The following DOCK2 variants were observed in gnomAD, a reference collection of about 807,000 sequenced individuals.
DOCK2 encodes dedicator of cytokinesis protein 2.
Under a neutral mutation model 248.9 loss-of-function variants are expected in DOCK2, and 87 were observed. The observed-to-expected ratio is 0.35, with a 90% CI of 0.29 to 0.42. The LOEUF (loss-of-function observed/expected upper bound fraction) is 0.42, where lower values mean the gene tolerates loss of function less well. Among genes scored for constraint, DOCK2 ranks in the 10% least tolerant of loss-of-function variants. The pLI is 1.00. For synonymous variants in DOCK2, 805 were observed against 821.6 expected (o/e 0.98, Z 0.35); for missense variants, 1,747 against 2,300.2 (o/e 0.76, Z 4.92).
At chr5:169,902,413 C>T (rs1773978453) in intron 27 of DOCK2, among the ~76,000 whole-genome samples, 2 of 152,208 alleles carry the variant, frequency 1.3e-5, no homozygotes, top group African/African-American at 4.8e-5. Flanking sequence ...CAAGCCACCA[C>T]AGTAGTGAAT....
At chr5:170,022,011 A>G (rs903291422) in intron 33 of DOCK2, among the ~76,000 whole-genome samples, 4 of 152,200 alleles carry the variant, frequency 2.6e-5, no homozygotes, top group Non-Finnish European at 1.5e-5. Flanking sequence ...CCTCTCTAAA[A>G]TGTGGGTTGC....
At chr5:169,914,941 C>T (rs971666851) in intron 27 of DOCK2, among the ~76,000 whole-genome samples, 7 of 152,350 alleles carry the variant, frequency 4.6e-5, no homozygotes, top group African/African-American at 1.2e-4. Flanking sequence ...CCACAGGCAG[C>T]GCCTGCCCAG....
chr5:170,043,294 A>G (rs1041175823), intron 38 of DOCK2, among the ~76,000 whole-genome samples: 1 of 152,120 alleles, frequency 6.6e-6, no homozygotes, highest in Non-Finnish European at 1.5e-5. Context: ...CCTTCTTTCT[A>G]GTTGTACCGT....
At chr5:169,995,873 G>T (rs1260526090) in intron 29 of DOCK2, among the ~76,000 whole-genome samples, 1 of 152,176 alleles carries the variant, frequency 6.6e-6, no homozygotes, top group African/African-American at 2.4e-5. Context: ...TTTTCAAAAA[G>T]AAGTCGAACA....
intron 32 of DOCK2, among the ~76,000 whole-genome samples, chr5:170,015,223 G>T (rs1755475172): frequency 6.6e-6 from 1 of 152,160 alleles, no homozygotes; most frequent in Non-Finnish European, 1.5e-5. Flanking sequence ...CGGACACTGT[G>T]CAGGGCCCTT....
At chr5:169,724,473 C>T (rs1762364863) in intron 22 of DOCK2, among the ~76,000 whole-genome samples, 1 of 152,102 alleles carries the variant, frequency 6.6e-6, no homozygotes, top group South Asian at 2.1e-4. Flanking sequence ...AGAAAAATTG[C>T]ACTCTGTGTC....
intron 23 of DOCK2, among the ~76,000 whole-genome samples, chr5:169,747,827 A>G (rs578254331): frequency 6.6e-6 from 1 of 152,234 alleles, no homozygotes; most frequent in Non-Finnish European, 1.5e-5. Context: ...AATTCTCGAC[A>G]ACATAAAGTC....
intron 27 of DOCK2, among the ~76,000 whole-genome samples, chr5:169,925,178 G>C (rs1189381204): frequency 6.6e-6 from 1 of 152,176 alleles, no homozygotes; most frequent in Non-Finnish European, 1.5e-5. Flanking sequence ...AGGGGACTCT[G>C]TAGTAGGGAG....
rs61670398 is a variant in DOCK2 at position 169,807,833 on chromosome 5, CAAAAAAAAA to C, written c.2703+4645_2703+4653del. Among the ~76,000 whole-genome samples, 19 of 24,218 alleles carry C rather than the reference CAAAAAAAAA, an allele frequency of 7.8e-4. 1 individual carries two copies. The highest frequency in any genetic ancestry group is 1.7e-3 in the Admixed American group (3 of 1,738). The allele number at this position is 24,218 out of a possible 152,430, so 15.9% of individuals were successfully genotyped here. A position where few individuals can be genotyped will look rare whatever the true frequency, so the allele number is the denominator to read the frequency against. ...TGGGAGACAGAGCAAGACTCTGTCT[CAAAAAAAAA>C]AAAAAAAAAAAAAAAAATCTAGCAT... On this transcript the variant is annotated intron_variant, in intron 26 of 51. Transcript: ENST00000520908.
At chr5:169,960,033 G>A (rs1416252772) in intron 27 of DOCK2, among the ~76,000 whole-genome samples, 10 of 152,180 alleles carry the variant, frequency 6.6e-5, no homozygotes, top group Non-Finnish European at 1.5e-4. Context: ...TCGGATCTCA[G>A]GCTATCAGTC....
At chr5:169,744,813 G>T (rs1486487839) in intron 22 of DOCK2, among the ~76,000 whole-genome samples, 1 of 152,174 alleles carries the variant, frequency 6.6e-6, no homozygotes, top group Non-Finnish European at 1.5e-5. Flanking sequence ...ATGGAGGGTA[G>T]GATTGGACAG....
At chr5:170,015,686 C>T (rs918749915) in intron 32 of DOCK2, among the ~76,000 whole-genome samples, 20 of 152,116 alleles carry the variant, frequency 1.3e-4, no homozygotes, top group Admixed American at 8.5e-4. Flanking sequence ...TTCATTGCAG[C>T]GTCTGTGCCA....
chr5:170,060,655 A>T (rs896028636), intron 44 of DOCK2, among the ~76,000 whole-genome samples: 1 of 152,240 alleles, frequency 6.6e-6, no homozygotes, highest in Non-Finnish European at 1.5e-5. Context: ...CTCAGAGGTC[A>T]TGAGAGAGCA....
chr5:169,755,604 C>T (rs571921426), intron 23 of DOCK2, among the ~76,000 whole-genome samples: 1 of 151,984 alleles, frequency 6.6e-6, no homozygotes, highest in African/African-American at 2.4e-5. Context: ...ACTAGCCGGG[C>T]GTGGTGGCGG....
chr5:169,692,316 G>A (rs370752556), intron 9 of DOCK2, among the ~76,000 whole-genome samples: 64 of 152,306 alleles, frequency 4.2e-4, no homozygotes, highest in African/African-American at 1.3e-3. Flanking sequence ...CCTAAATCAG[G>A]TGATGCTTGT....
chr5:169,840,626 G>A, intron 26 of DOCK2, 131 bp from the exon 27 acceptor site: 1 of 611,834 alleles, frequency 1.6e-6, no homozygotes. Flanking sequence ...GATGATGATG[G>A]CAGTAGTGGT....
At chr5:169,670,459 A>T in intron 3 of DOCK2, 83 bp from the exon 4 acceptor site, 1 of 1,481,836 alleles carries the variant, frequency 6.7e-7, no homozygotes. Context: ...TTGGAAAAAA[A>T]TTATAAAGAC....
intron 3 of DOCK2, 98 bp downstream of exon 3, chr5:169,669,426 A>G: frequency 7.4e-7 from 1 of 1,355,620 alleles, no homozygotes; most frequent in Non-Finnish European, 1.1e-6. Flanking sequence ...GCTCCTCAGC[A>G]AAGGGAATCC....
intron 26 of DOCK2, among the ~76,000 whole-genome samples, chr5:169,815,343 A>T (rs1767998860): frequency 6.6e-6 from 1 of 152,240 alleles, no homozygotes; most frequent in African/African-American, 2.4e-5. Flanking sequence ...TTCCATCAGC[A>T]TCAGCTAGAA....
Sources: allele counts gnomAD v4.1 joint callset (sites outside exome capture counted in the v4.1 genomes callset), GRCh38; gene constraint gnomAD v4.1.1; transcripts MANE v1.5; gene names NCBI Gene and HGNC (gene_info 2026-07-23, HGNC 2026-07-21).